The following HEPHL1 variants were observed in gnomAD, a reference collection of about 807,000 sequenced individuals.
HEPHL1 encodes hephaestin like 1.
In HEPHL1, 123 loss-of-function variants were observed where a neutral mutation model predicts 122.0. The observed-to-expected ratio is 1.01, with a 90% CI of 0.87 to 1.17. The LOEUF is 1.17. Among genes scored for constraint, HEPHL1 ranks in the 50% most tolerant of loss-of-function variants. The probability of loss-of-function intolerance (pLI) is 0.00; values close to 1 mark genes in which losing one functional copy is unlikely to be tolerated. For missense variants in HEPHL1, 1,452 were observed against 1,430.5 expected, an observed-to-expected ratio of 1.01 and a Z score of -0.24; for synonymous variants, 527 against 508.9, an observed-to-expected ratio of 1.04 and a Z score of -0.48.
Position 94,104,605 on chromosome 11 carries a change from C to T in HEPHL1, c.2760C>T (p.Asp920=), listed in dbSNP as rs148114445. 1.6e-4 allele frequency: 255 copies of T among 1,613,522 alleles called. No individual in the cohort carries two copies. The highest frequency in any genetic ancestry group is 2.0e-4 in the Non-Finnish European group (232 of 1,179,748). ...GVLNEKGRRS[D]VDYEFALLFL... Reference sequence around the variant, plus strand: ...TGAATGAAAAGGGAAGAAGAAGTGACGTTGATTATGAATTTGCTCTCTTGT... The same window carrying T: ...TGAATGAAAAGGGAAGAAGAAGTGATGTTGATTATGAATTTGCTCTCTTGT... Residue 920 remains aspartate, a synonymous_variant, in exon 16 of 20, where the codon GAC becomes GAT. Coordinates refer to ENST00000315765, the MANE Select transcript of HEPHL1 (RefSeq NM_001098672.2).
In HEPHL1 at chr11:94,068,041, C is replaced by T. The variant is rs139482764; in HGVS notation, c.1063+291C>T. Among the ~76,000 whole-genome samples the T allele has an allele frequency of 2.2e-4, 33 of 152,230 alleles. No individual in the cohort carries two copies. The East Asian group carries it at 4.8e-3, about 22-fold the overall frequency. ...TAGTTAGACATTCACAAAATGAATA[C>T]GATTTAAGGCAGAATGAGATAAATG... On this transcript the variant is annotated intron_variant, in intron 5 of 19. Coordinates refer to ENST00000315765, the MANE Select transcript of HEPHL1 (RefSeq NM_001098672.2).
At chr11:94,060,971 G>C (rs2134425447) in intron 2 of HEPHL1, among the ~76,000 whole-genome samples, 1 of 152,302 alleles carries the variant, frequency 6.6e-6, no homozygotes, top group South Asian at 2.1e-4. Flanking sequence ...TCAGACTAGG[G>C]ATGTGATGTT....
chr11:94,063,134 C>A (rs1225332567), intron 2 of HEPHL1, among the ~76,000 whole-genome samples: 1 of 152,154 alleles, frequency 6.6e-6, no homozygotes, highest in Non-Finnish European at 1.5e-5. Context: ...TTCATTATTT[C>A]TTCTTAGGCT....
At chr11:94,043,577 C>T (rs1026712608) in intron 1 of HEPHL1, among the ~76,000 whole-genome samples, 17 of 152,070 alleles carry the variant, frequency 1.1e-4, no homozygotes, top group South Asian at 6.2e-4. Context: ...GAACCCCATC[C>T]GAAGCACAGA....
At chr11:94,090,978 T>A (rs181072330) in intron 12 of HEPHL1, among the ~76,000 whole-genome samples, 1 of 152,206 alleles carries the variant, frequency 6.6e-6, no homozygotes, top group Non-Finnish European at 1.5e-5. Context: ...GGGAAGTTTA[T>A]GCAGTGGGAG....
intron 10 of HEPHL1, among the ~76,000 whole-genome samples, chr11:94,084,334 G>C (rs3020012): frequency 0.75 from 110,392 of 146,298 alleles, 40,923 homozygotes; most frequent in African/African-American, 0.86. Flanking sequence ...CCCTCTCTCT[G>C]TTTAAATAAA....
chr11:94,107,347 T>G (rs1946417170), intron 17 of HEPHL1, among the ~76,000 whole-genome samples: 1 of 152,170 alleles, frequency 6.6e-6, no homozygotes, highest in Non-Finnish European at 1.5e-5. Flanking sequence ...TTTTAAAAAT[T>G]ATATTAAAAA....
chr11:94,031,459 A>G (rs1456027962), intron 1 of HEPHL1, among the ~76,000 whole-genome samples: 2 of 151,318 alleles, frequency 1.3e-5, no homozygotes, highest in African/African-American at 2.4e-5. Context: ...CCTGTAGACC[A>G]CCTTATTCTT....
Position 94,086,130 on chromosome 11 carries a change from ACTCCCTGG to A in HEPHL1, c.2023_2030del (p.Ser675ProfsTer20). On this transcript the variant is annotated frameshift_variant, in exon 11 of 20. Transcript: ENST00000315765. LOFTEE classifies it high-confidence loss of function. The stretch of plus-strand genomic sequence containing the variant: ...ATCCACCTACGAGGGACTCACCGAG[ACTCCCTGG>A]CCCTGTTTCCCCACATGGCCACAAC... 1 of 1,613,270 alleles carries A rather than the reference ACTCCCTGG, an allele frequency of 6.2e-7. No individual in the cohort carries two copies. Among genetic ancestry groups the A allele is most frequent in the Admixed American group, 1.7e-5 (1 of 59,940 alleles).
rs1946145292 is a variant in HEPHL1, at chr11:94,078,502, TTTA to T, written c.1716+3122_1716+3124del. On this transcript the variant is annotated intron_variant, in intron 9 of 19. Coordinates refer to ENST00000315765, the MANE Select transcript of HEPHL1 (RefSeq NM_001098672.2). ...GGAGAAAGAGACACACAGAGAGATA[TTTA>T]TTATGAGGAATTGGCTCATATGATT... 5.9e-5 allele frequency among the ~76,000 whole-genome samples: 8 copies of T among 135,346 alleles called. No individual in the cohort carries two copies. In the South Asian group the frequency reaches 1.9e-3, roughly 32 times the overall value. 88.8% of individuals were successfully genotyped at this position (135,346 alleles called of 152,430 possible). A position where few individuals can be genotyped will look rare whatever the true frequency, so the allele number is the denominator to read the frequency against.
At chr11:94,097,902 T>A (rs1195456121) in intron 13 of HEPHL1, among the ~76,000 whole-genome samples, 2 of 152,198 alleles carry the variant, frequency 1.3e-5, no homozygotes, top group African/African-American at 4.8e-5. Context: ...TCTGAGCCTG[T>A]GTGTGTCTCT....
intron 13 of HEPHL1, among the ~76,000 whole-genome samples, chr11:94,099,819 C>T (rs189985727): frequency 2.1e-3 from 313 of 152,284 alleles, no homozygotes; most frequent in African/African-American, 7.1e-3. Flanking sequence ...AGCCAGGCAC[C>T]GGCTATAATC....
chr11:94,111,089 C>T, intron 18 of HEPHL1, 24 bp downstream of exon 18: 1 of 1,539,706 alleles, frequency 6.5e-7, no homozygotes, highest in East Asian at 2.4e-5. Context: ...TCAGTGATGC[C>T]AGATGATGGC....
chr11:94,111,776 T>G lies in HEPHL1; in HGVS notation c.3362T>G (p.Ile1121Ser). ...GAKAALVILF[I>S]IGLLLLITTV... The stretch of plus-strand genomic sequence containing the variant: ...AAGGCAGCCTTGGTCATCCTTTTCA[T>G]CATTGGACTCCTCCTTCTAATCACC... Residue 1121 changes from isoleucine to serine, a missense_variant, in exon 20 of 20, where the codon ATC (isoleucine) becomes AGC (serine). By Grantham distance (142) the Ile-to-Ser change is moderately radical (BLOSUM62 -2). Transcript: ENST00000315765. The G allele has an allele frequency of 1.3e-6, 2 of 1,595,728 alleles. No homozygotes were observed. Among genetic ancestry groups the G allele is most frequent in the Non-Finnish European group, 1.7e-6 (2 of 1,171,914 alleles).
intron 2 of HEPHL1, among the ~76,000 whole-genome samples, chr11:94,056,665 C>A (rs1204432480): frequency 5.4e-5 from 8 of 146,954 alleles, no homozygotes; most frequent in Non-Finnish European, 7.5e-5. Flanking sequence ...GATTATCTAT[C>A]TATCTATCTA....
chr11:94,087,870 GA>G (rs1946231023), intron 11 of HEPHL1, among the ~76,000 whole-genome samples: 1 of 152,164 alleles, frequency 6.6e-6, no homozygotes, highest in African/African-American at 2.4e-5. Flanking sequence ...TTAGACAACA[GA>G]GTTACATGTA....
At chr11:94,038,255 G>A (rs1000720210) in intron 1 of HEPHL1, among the ~76,000 whole-genome samples, 349 of 150,460 alleles carry the variant, frequency 2.3e-3, no homozygotes, top group African/African-American at 7.8e-3. Flanking sequence ...TGGTGTACCT[G>A]AAAGTGATGG....
chr11:94,083,893 G>A (rs1946194756), intron 10 of HEPHL1, among the ~76,000 whole-genome samples: 1 of 152,102 alleles, frequency 6.6e-6, no homozygotes, highest in Non-Finnish European at 1.5e-5. Context: ...GTTTCTTGGT[G>A]GAGAAACTAA....
intron 13 of HEPHL1, among the ~76,000 whole-genome samples, 193 bp from the exon 14 acceptor site, chr11:94,101,002 C>G (rs955340968): frequency 6.6e-6 from 1 of 152,140 alleles, no homozygotes; most frequent in Non-Finnish European, 1.5e-5. Flanking sequence ...GAATTTAAAC[C>G]CATTGCTAAA....
Sources: gnomAD v4.1 joint callset for allele counts (sites outside exome capture counted in the v4.1 genomes callset) on GRCh38, gnomAD v4.1.1 for gene constraint, MANE v1.5 for transcripts, NCBI Gene and HGNC (gene_info 2026-07-23, HGNC 2026-07-21) for gene names.